Variants in TRHDE observed in about 807,000 individuals in gnomAD.
TRHDE encodes the protein thyrotropin-releasing hormone-degrading ectoenzyme.
TRHDE carries 72 observed loss-of-function variants against 125.7 expected under a neutral mutation model. The ratio of observed to expected loss-of-function variants is 0.57; its 90% CI spans 0.47 to 0.70. The LOEUF (loss-of-function observed/expected upper bound fraction) is 0.70, where lower values mean the gene tolerates loss of function less well. Among genes scored for constraint, TRHDE ranks in the 30% least tolerant of loss-of-function variants. TRHDE has a pLI of 0.00. For synonymous variants in TRHDE, 509 were observed against 509.1 expected, an observed-to-expected ratio of 1.00 and a Z score of 0.00; for missense variants, 1,110 against 1,327.1, an observed-to-expected ratio of 0.84 and a Z score of 2.54.
Position 72,209,552 on chromosome 12 carries a change from ATTAAT to A in TRHDE, n.279+103805_279+103809del, listed in dbSNP as rs1431368625. Among the ~76,000 whole-genome samples the A allele has an allele frequency of 6.6e-5, 10 of 152,372 alleles. No individual in the cohort carries two copies. The South Asian group carries it at 1.7e-3, about 25-fold the overall frequency. On this transcript the variant is annotated intron_variant and non_coding_transcript_variant, in intron 2 of 4. Coordinates refer to the TRHDE transcript ENST00000548156. Reference sequence around the variant, plus strand: ...CATAAATGCCAAGGCAAGGAAACAAATTAATTTAACTGTTGGAAAAGATAGAGATG... The same window carrying A: ...CATAAATGCCAAGGCAAGGAAACAAATTAACTGTTGGAAAAGATAGAGATG...
intron 5 of TRHDE, among the ~76,000 whole-genome samples, chr12:72,477,377 A>C (rs1876948341): frequency 6.6e-6 from 1 of 152,222 alleles, no homozygotes. Context: ...ATTCTTATCT[A>C]TACTGGCAAT....
intron 7 of TRHDE, among the ~76,000 whole-genome samples, chr12:72,561,409 C>G (rs922690400): frequency 2.0e-4 from 31 of 152,096 alleles, no homozygotes; most frequent in Non-Finnish European, 1.2e-4. Context: ...ATTCATATTT[C>G]TGTTTTGAAA....
chr12:72,419,918 G>T (rs538073544), intron 3 of TRHDE, among the ~76,000 whole-genome samples: 1 of 152,176 alleles, frequency 6.6e-6, no homozygotes, highest in African/African-American at 2.4e-5. Context: ...AGTCACTGAA[G>T]AATCATGAAA....
chr12:72,538,975 T>C (rs1869005313), intron 6 of TRHDE, among the ~76,000 whole-genome samples: 1 of 151,896 alleles, frequency 6.6e-6, no homozygotes, highest in Admixed American at 6.6e-5. Flanking sequence ...TGGTTTTATT[T>C]ACTGTCTTTC....
chr12:72,544,262 T>C (rs985916826), intron 7 of TRHDE, among the ~76,000 whole-genome samples: 17 of 151,516 alleles, frequency 1.1e-4, no homozygotes, highest in African/African-American at 4.1e-4. Context: ...GGATACATTT[T>C]GGAGTTGACC....
At chr12:72,517,328 T>C (rs1263405983) in intron 6 of TRHDE, among the ~76,000 whole-genome samples, 1 of 151,872 alleles carries the variant, frequency 6.6e-6, no homozygotes, top group Non-Finnish European at 1.5e-5. Flanking sequence ...CAGCTCCTGT[T>C]ATTGGTCTAT....
intron 2 of TRHDE, among the ~76,000 whole-genome samples, chr12:72,156,194 T>C (rs1452595434): frequency 2.0e-5 from 3 of 152,198 alleles, no homozygotes; most frequent in African/African-American, 7.2e-5. Flanking sequence ...CCCTCTGAGC[T>C]AGGCATGGGA....
chr12:72,631,849 G>C (rs1873509565), intron 15 of TRHDE, among the ~76,000 whole-genome samples: 1 of 151,868 alleles, frequency 6.6e-6, no homozygotes, highest in Non-Finnish European at 1.5e-5. Flanking sequence ...TCAACAAAAT[G>C]GCAATAATCA....
intron 2 of TRHDE, among the ~76,000 whole-genome samples, chr12:72,327,238 C>T (rs953598871): frequency 1.3e-5 from 2 of 151,966 alleles, no homozygotes; most frequent in East Asian, 3.9e-4. Context: ...GAATGAAGCC[C>T]GAGTTAGGGA....
intron 6 of TRHDE, among the ~76,000 whole-genome samples, chr12:72,515,710 C>T (rs535371948): frequency 3.9e-5 from 6 of 152,000 alleles, no homozygotes; most frequent in South Asian, 4.2e-4. Context: ...ACATGAAGTC[C>T]TTGCCCATGC....
intron 3 of TRHDE, among the ~76,000 whole-genome samples, chr12:72,421,606 A>C (rs1292244189): frequency 1.3e-5 from 2 of 152,192 alleles, no homozygotes; most frequent in East Asian, 3.9e-4. Context: ...AACAAGCCAC[A>C]TTCAAAGGGA....
chr12:72,582,327 A>G (rs1871273163), intron 12 of TRHDE: 4 of 985,176 alleles, frequency 4.1e-6, no homozygotes, highest in Non-Finnish European at 4.8e-6. Flanking sequence ...CATTTCAAAA[A>G]CTTACAGATT....
chr12:72,292,305 G>A (rs1290109044), intron 2 of TRHDE, among the ~76,000 whole-genome samples: 1 of 152,140 alleles, frequency 6.6e-6, no homozygotes, highest in Non-Finnish European at 1.5e-5. Context: ...TTTTTCTGAG[G>A]CTGTTTCTTA....
At chr12:72,093,628 A>T (rs962687051) in intron 1 of TRHDE, among the ~76,000 whole-genome samples, 2 of 151,326 alleles carry the variant, frequency 1.3e-5, no homozygotes, top group Non-Finnish European at 2.9e-5. Flanking sequence ...TAAATTTTTC[A>T]CTTCTGTCGT....
intron 3 of TRHDE, among the ~76,000 whole-genome samples, chr12:72,380,757 TC>T (rs1166697698): frequency 6.4e-5 from 6 of 94,276 alleles, no homozygotes; most frequent in African/African-American, 3.9e-4. Flanking sequence ...CTTCCTTCCT[TC>T]CTTCCTTGCT....
intron 10 of TRHDE, among the ~76,000 whole-genome samples, chr12:72,573,475 G>A (rs979261897): frequency 1.3e-5 from 2 of 151,768 alleles, no homozygotes; most frequent in Admixed American, 1.3e-4. Context: ...TATAAAAATA[G>A]TACATATAAA....
At chr12:72,509,609 A>C (rs1878501747) in intron 6 of TRHDE, among the ~76,000 whole-genome samples, 1 of 151,898 alleles carries the variant, frequency 6.6e-6, no homozygotes. Context: ...TCTCAAGAAG[A>C]CCTCCCATTT....
intron 5 of TRHDE, among the ~76,000 whole-genome samples, chr12:72,488,685 A>G (rs1234710083): frequency 6.6e-6 from 1 of 151,998 alleles, no homozygotes; most frequent in African/African-American, 2.4e-5. Context: ...TTTTTATCCA[A>G]TAGCAGCTGA....
At chr12:72,481,324 A>AT (rs904240037) in intron 5 of TRHDE, among the ~76,000 whole-genome samples, 4 of 144,418 alleles carry the variant, frequency 2.8e-5, no homozygotes, top group African/African-American at 1.1e-4. Flanking sequence ...TGATAGAATA[A>AT]AAAAAAAAAA....
Sources: allele counts gnomAD v4.1 joint callset (sites outside exome capture counted in the v4.1 genomes callset), GRCh38; gene constraint gnomAD v4.1.1; transcripts MANE v1.5; gene names NCBI Gene and HGNC (gene_info 2026-07-23, HGNC 2026-07-21).